The following OSBPL9 variants were observed in gnomAD, a reference collection of about 807,000 sequenced individuals.
OSBPL9 encodes the protein oxysterol binding protein like 9, also known as oxysterol-binding protein-related protein 9.
OSBPL9 carries 40 observed loss-of-function variants against 106.6 expected under a neutral mutation model. The observed-to-expected ratio is 0.38, with a 90% CI of 0.29 to 0.49. The LOEUF (loss-of-function observed/expected upper bound fraction) is 0.49. Among genes scored for constraint, OSBPL9 ranks in the 20% least tolerant of loss-of-function variants. OSBPL9 has a pLI of 0.97. For missense variants in OSBPL9, 609 were observed against 887.2 expected (o/e 0.69, Z 3.98); for synonymous variants, 269 against 295.4 (o/e 0.91, Z 0.92).
At chr1:51,624,970 A>T (rs1257242416) in intron 1 of OSBPL9, among the ~76,000 whole-genome samples, 1 of 152,216 alleles carries the variant, frequency 6.6e-6, no homozygotes, top group East Asian at 1.9e-4. Context: ...TCTAATTCGA[A>T]TTATAGGTGA....
At chr1:51,700,681 T>C (rs982959422) in intron 3 of OSBPL9, among the ~76,000 whole-genome samples, 1 of 152,256 alleles carries the variant, frequency 6.6e-6, no homozygotes, top group Admixed American at 6.5e-5. Flanking sequence ...ATTAATCTTA[T>C]TAACTGGTGA....
rs531180232 is a variant in OSBPL9 at position 51,642,230 on chromosome 1, C to T, written c.112-9761C>T. ...AAATTTAAATGGCTAGCTGTACTTA[C>T]GTGTCTCCGTCCTATCATTTATTCA... On this transcript the variant is annotated intron_variant, in intron 1 of 23. Transcript: ENST00000428468. Among the ~76,000 whole-genome samples the T allele has an allele frequency of 4.6e-5, 7 of 152,270 alleles. No homozygotes were observed. The East Asian group carries it at 7.7e-4, about 17-fold the overall frequency.
At chr1:51,711,474 ACCTC>A in intron 3 of OSBPL9, among the ~76,000 whole-genome samples, 1 of 78,088 alleles carries the variant, frequency 1.3e-5, no homozygotes, top group Non-Finnish European at 2.9e-5. Context: ...TGACCCCCCC[ACCTC>A]CCTCCCGGAC....
chr1:51,676,030 A>T (rs1651103851), intron 3 of OSBPL9, among the ~76,000 whole-genome samples: 1 of 152,226 alleles, frequency 6.6e-6, no homozygotes, highest in African/African-American at 2.4e-5. Flanking sequence ...AGCCACAGAC[A>T]CATAGCTAAT....
intron 1 of OSBPL9, among the ~76,000 whole-genome samples, chr1:51,633,791 T>A (rs577186278): frequency 3.1e-4 from 47 of 151,976 alleles, no homozygotes; most frequent in Admixed American, 1.2e-3. Flanking sequence ...CAGCTAATTT[T>A]AAAAAAACCA....
intron 3 of OSBPL9, among the ~76,000 whole-genome samples, chr1:51,689,029 A>G (rs1261309944): frequency 1.3e-5 from 2 of 152,230 alleles, no homozygotes; most frequent in Non-Finnish European, 2.9e-5. Context: ...CAGGAATATT[A>G]TAAGATTATA....
chr1:51,735,126 G>A (rs1011938363), intron 4 of OSBPL9, among the ~76,000 whole-genome samples: 19 of 152,268 alleles, frequency 1.2e-4, no homozygotes, highest in African/African-American at 4.1e-4. Context: ...TTAGCAAATG[G>A]GAAGCAGTGA....
At chr1:51,551,356 A>T in the OSBPL9 span, among the ~76,000 whole-genome samples, 2 of 151,804 alleles carry the variant, frequency 1.3e-5, no homozygotes, top group African/African-American at 4.8e-5. Flanking sequence ...CTCTTCTTCA[A>T]TTCCCCAAAT....
At chr1:51,726,899 C>T (rs1167744842) in intron 4 of OSBPL9, among the ~76,000 whole-genome samples, 1 of 152,036 alleles carries the variant, frequency 6.6e-6, no homozygotes, top group Non-Finnish European at 1.5e-5. Flanking sequence ...TGTGTAATTA[C>T]TTTTTATTTT....
intron 1 of OSBPL9, among the ~76,000 whole-genome samples, chr1:51,639,830 T>TG (rs1239016564): frequency 7.2e-6 from 1 of 139,656 alleles, no homozygotes; most frequent in Non-Finnish European, 1.5e-5. Flanking sequence ...TTTTTTTTTT[T>TG]TTTTTTTTTT....
At chr1:51,751,301 T>A (rs1192594103) in intron 8 of OSBPL9, among the ~76,000 whole-genome samples, 1 of 152,010 alleles carries the variant, frequency 6.6e-6, no homozygotes, top group African/African-American at 2.4e-5. Flanking sequence ...TTACCCAGGC[T>A]GGTCTGAACT....
In OSBPL9 at chr1:51,761,968, A is replaced by C; in HGVS notation, c.775A>C (p.Thr259Pro). ...GHHQTPTPNSTGSGHSPPSSS... is the reference protein window; with the variant it reads ...GHHQTPTPNSPGSGHSPPSSS... The stretch of plus-strand genomic sequence containing the variant: ...TCATCAGACTCCTACACCAAATAGT[A>C]CAGGTACAGATTTGCATAATTTCTT... The change falls in exon 11 of 24, where the codon ACA (threonine) becomes CCA (proline). Residue 259 changes from threonine (T) to proline (P), a missense_variant. By Grantham distance (38) the Thr-to-Pro change is conservative. Transcript: ENST00000428468. 1 of 1,591,208 alleles carries C rather than the reference A, an allele frequency of 6.3e-7. No homozygotes were observed. The highest frequency in any genetic ancestry group is 8.6e-7 in the Non-Finnish European group (1 of 1,159,256).
chr1:51,747,586 GTTGACTGTATAGCCTTGCGTTTGGCTCTT>G (rs1196945389), intron 6 of OSBPL9, among the ~76,000 whole-genome samples: 5 of 49,382 alleles, frequency 1.0e-4, no homozygotes, highest in Non-Finnish European at 1.5e-4. Flanking sequence ...TTGCTCTTCT[GTTGACTGTATAGCCTTGCGTTTGGCTCTT>G]TTATACCTGT....
intron 4 of OSBPL9, among the ~76,000 whole-genome samples, chr1:51,742,213 T>G (rs967291435): frequency 1.3e-5 from 2 of 152,122 alleles, no homozygotes; most frequent in African/African-American, 4.8e-5. Context: ...GAGAAGTCAC[T>G]CAAATATTCA....
the OSBPL9 span, among the ~76,000 whole-genome samples, chr1:51,536,954 A>T: frequency 2.6e-5 from 4 of 152,186 alleles, no homozygotes; most frequent in African/African-American, 9.7e-5. Flanking sequence ...AGTAATGGTA[A>T]TCTGTAGAGA....
At position 51,729,942 on chromosome 1, in the gene OSBPL9, C is replaced by T. The variant is rs1393865760; in HGVS notation, c.319-15594C>T. On this transcript the variant is annotated intron_variant, in intron 4 of 23. Coordinates refer to ENST00000428468, the MANE Select transcript of OSBPL9 (RefSeq NM_024586.6). This position sits in a 1 kb window ranked among gnomAD's most constrained non-coding sequence, Gnocchi z 5.1. ...CTCGGGAGCAGCCCCCGGCTACCTC[C>T]CCTGGAGGCACAGAGGGCGGGGGCC... 2 of 1,313,220 alleles carry T rather than the reference C, an allele frequency of 1.5e-6. No individual in the cohort carries two copies. Among genetic ancestry groups the T allele is most frequent in the Non-Finnish European group, 2.0e-6 (2 of 1,023,284 alleles). 81.3% of individuals were successfully genotyped at this position (1,313,220 alleles called of 1,614,324 possible). A position where few individuals can be genotyped will look rare whatever the true frequency, so the allele number is the denominator to read the frequency against.
chr1:51,592,411 G>A (rs1024487760), intron 1 of OSBPL9, among the ~76,000 whole-genome samples: 2 of 152,162 alleles, frequency 1.3e-5, no homozygotes, highest in Admixed American at 6.5e-5. Flanking sequence ...CACTGTGCCC[G>A]GCCGTTGCTA....
At chr1:51,773,417 A>T (rs1184893239) in intron 14 of OSBPL9, among the ~76,000 whole-genome samples, 1 of 152,116 alleles carries the variant, frequency 6.6e-6, no homozygotes, top group African/African-American at 2.4e-5. Flanking sequence ...ACAGTACCAC[A>T]GAGTAGGTGT....
chr1:51,701,026 G>A (rs1657116183), intron 3 of OSBPL9, among the ~76,000 whole-genome samples: 1 of 151,570 alleles, frequency 6.6e-6, no homozygotes, highest in African/African-American at 2.4e-5. Flanking sequence ...TGCAACCTCT[G>A]CCTCCCCAGT....
Sources: allele counts gnomAD v4.1 joint callset (sites outside exome capture counted in the v4.1 genomes callset), GRCh38; gene constraint gnomAD v4.1.1; non-coding constraint Gnocchi (gnomAD v3.1); transcripts MANE v1.5; gene names NCBI Gene and HGNC (gene_info 2026-07-23, HGNC 2026-07-21).